Variants in FOCAD observed in about 807,000 individuals in gnomAD.
FOCAD encodes the protein KIAA1797.
A neutral mutation model predicts 225.6 loss-of-function variants in FOCAD; 198 were observed. The observed-to-expected ratio is 0.88, with a 90% CI of 0.78 to 0.99. The LOEUF is 0.99. Ranked by LOEUF, FOCAD falls within the 50% of genes least tolerant of loss-of-function variation. The pLI is 0.00. For synonymous variants in FOCAD, 897 were observed against 755.0 expected, an observed-to-expected ratio of 1.19 and a Z score of -3.08; for missense variants, 2,713 against 2,123.6, an observed-to-expected ratio of 1.28 and a Z score of -5.46.
At chr9:20,762,712 A>T (rs1031437954) in intron 6 of FOCAD, among the ~76,000 whole-genome samples, 1 of 152,146 alleles carries the variant, frequency 6.6e-6, no homozygotes, top group Non-Finnish European at 1.5e-5. Context: ...GTATGTGCAG[A>T]TCTGTTGGAA....
intron 8 of FOCAD, among the ~76,000 whole-genome samples, chr9:20,775,359 A>T (rs1223780591): frequency 6.6e-6 from 1 of 152,200 alleles, no homozygotes; most frequent in East Asian, 1.9e-4. Flanking sequence ...AATGAGTGAA[A>T]CATTTCAGCA....
rs142641628 is a variant in FOCAD, at chr9:20,778,121, T to C, written c.907-560T>C. 1.7e-3 allele frequency among the ~76,000 whole-genome samples: 253 copies of C among 146,464 alleles called. 3 individuals carry two copies. In the East Asian group the frequency reaches 0.042, roughly 24 times the overall value. On this transcript the variant is annotated intron_variant, in intron 8 of 43. Transcript: ENST00000338382. ...AAAAAAAAAAAAAAAAAAGATTGAC[T>C]GTTTAGAAGACTTGCTGATCTGCTG...
intron 28 of FOCAD, among the ~76,000 whole-genome samples, chr9:20,941,502 G>A (rs1013738595): frequency 2.4e-4 from 36 of 152,178 alleles, no homozygotes; most frequent in African/African-American, 8.2e-4. Context: ...CTAGGGAATT[G>A]AAGATTCATC....
Position 20,789,366 on chromosome 9 carries a change from G to A in FOCAD, c.1213G>A (p.Val405Met). Reference protein sequence around the residue: ...DDHQKLSYKLVCPVTSMYGTI... With the variant: ...DDHQKLSYKLMCPVTSMYGTI... The stretch of plus-strand genomic sequence containing the variant: ...TATTTTTCAGCTCTCCTACAAGCTT[G>A]TGTGCCCTGTAACCAGTATGTATGG... The change falls in exon 11 of 44, where the codon GTG (valine) becomes ATG (methionine). Residue 405 changes from valine to methionine, a missense_variant. Physicochemically the swap from Val to Met is conservative, Grantham distance 21. Coordinates refer to ENST00000338382, the MANE Select transcript of FOCAD (RefSeq NM_001375567.1). 2 of 1,612,898 alleles carry A rather than the reference G, an allele frequency of 1.2e-6. No individual in the cohort carries two copies. The highest frequency in any genetic ancestry group is 1.7e-6 in the Non-Finnish European group (2 of 1,179,034).
intron 27 of FOCAD, among the ~76,000 whole-genome samples, chr9:20,931,343 C>G (rs1025056694): frequency 1.3e-5 from 2 of 152,152 alleles, no homozygotes; most frequent in Admixed American, 1.3e-4. Context: ...TGTTTGATAG[C>G]ATCCTCCTTC....
chr9:20,793,328 A>T (rs1000443817), intron 11 of FOCAD, among the ~76,000 whole-genome samples: 2 of 152,194 alleles, frequency 1.3e-5, no homozygotes, highest in Non-Finnish European at 1.5e-5. Context: ...TGTAAACCTT[A>T]CATATATATC....
At chr9:20,846,194 G>A (rs1279632012) in intron 15 of FOCAD, among the ~76,000 whole-genome samples, 2 of 152,162 alleles carry the variant, frequency 1.3e-5, no homozygotes, top group East Asian at 3.9e-4. Context: ...CTACACTTAG[G>A]TTTCTGAGGG....
At chr9:20,990,740 G>A (rs914775310) in intron 42 of FOCAD, among the ~76,000 whole-genome samples, 1 of 152,206 alleles carries the variant, frequency 6.6e-6, no homozygotes, top group Admixed American at 6.5e-5. Flanking sequence ...ATTGCAAATC[G>A]TGTGATAAGT....
At chr9:20,881,780 C>T in intron 19 of FOCAD, 91 bp from the exon 20 acceptor site, 1 of 1,284,916 alleles carries the variant, frequency 7.8e-7, no homozygotes, top group Non-Finnish European at 1.1e-6. Context: ...AGAAATGTAG[C>T]TTAGTTGTTT....
At chr9:20,816,661 G>C (rs1204345747) in intron 11 of FOCAD, among the ~76,000 whole-genome samples, 1 of 151,878 alleles carries the variant, frequency 6.6e-6, no homozygotes, top group Non-Finnish European at 1.5e-5. Flanking sequence ...AGATGTCTTC[G>C]AAGGTTAGAA....
At position 20,715,302 on chromosome 9, in the gene FOCAD, T is replaced by C. The variant is rs776285287; in HGVS notation, c.-32-20T>C. ...AGACCAGTTGGAAGACTAACAAATA[T>C]TCTTTTGTTTTGGTTACAGAAGCTG... On this transcript the variant is annotated intron_variant, in intron 1 of 43. Coordinates refer to ENST00000338382, the MANE Select transcript of FOCAD (RefSeq NM_001375567.1). The C allele has an allele frequency of 1.6e-5, 19 of 1,211,744 alleles. No individual in the cohort carries two copies. The highest frequency in any genetic ancestry group is 2.1e-5 in the Non-Finnish European group (19 of 889,706). 75.1% of individuals were successfully genotyped at this position (1,211,744 alleles called of 1,614,324 possible). A position where few individuals can be genotyped will look rare whatever the true frequency, so the allele number is the denominator to read the frequency against.
chr9:20,938,718 TTATAA>T (rs1007986745), intron 28 of FOCAD, among the ~76,000 whole-genome samples: 13 of 151,894 alleles, frequency 8.6e-5, no homozygotes, highest in South Asian at 6.2e-4. Flanking sequence ...ACCCTAAAAC[TTATAA>T]TAAAGAAAAG....
chr9:20,948,910 T>A lies in FOCAD; in HGVS notation c.3858T>A (p.Ser1286=). The change falls in exon 32 of 44, where the codon TCT becomes TCA. Residue 1286 remains serine, a synonymous_variant. Transcript: ENST00000338382. ...ATGGCATGGTGGCCTTGGTAGGCTC[T>A]GAAGGGGATGTAATGCAGGTAAAGA... ...ALHGMVALVG[S]EGDVMQLKSE... The A allele has an allele frequency of 1.2e-6, 2 of 1,613,512 alleles. No individual in the cohort carries two copies. Among genetic ancestry groups the A allele is most frequent in the Non-Finnish European group, 1.7e-6 (2 of 1,179,516 alleles).
intron 11 of FOCAD, among the ~76,000 whole-genome samples, chr9:20,804,062 C>T (rs1822142298): frequency 1.3e-5 from 2 of 152,052 alleles, no homozygotes; most frequent in Non-Finnish European, 2.9e-5. Context: ...GAACCATTTT[C>T]TGTAGTAGAG....
intron 2 of FOCAD, among the ~76,000 whole-genome samples, chr9:20,717,122 T>C (rs539354231): frequency 5.1e-4 from 78 of 152,368 alleles, no homozygotes; most frequent in Non-Finnish European, 9.8e-4. Context: ...GAGTGACTTA[T>C]ATCACAAAAC....
At chr9:20,861,848 A>T (rs1175816680) in intron 15 of FOCAD, among the ~76,000 whole-genome samples, 1 of 152,150 alleles carries the variant, frequency 6.6e-6, no homozygotes, top group Admixed American at 6.5e-5. Context: ...TATCAGTGAA[A>T]AAATCATCAG....
At chr9:20,840,527 A>G (rs961263550) in intron 15 of FOCAD, among the ~76,000 whole-genome samples, 2 of 150,378 alleles carry the variant, frequency 1.3e-5, no homozygotes, top group Non-Finnish European at 3.0e-5. Context: ...TAAGTATTTT[A>G]AGTGGAATTA....
intron 21 of FOCAD, among the ~76,000 whole-genome samples, chr9:20,885,826 A>G (rs1045312642): frequency 1.3e-5 from 2 of 152,176 alleles, no homozygotes; most frequent in African/African-American, 4.8e-5. Flanking sequence ...ATTTTATCAC[A>G]CTTACTCATA....
intron 1 of FOCAD, among the ~76,000 whole-genome samples, chr9:20,710,058 G>A (rs1186729676): frequency 1.3e-5 from 2 of 152,070 alleles, no homozygotes; most frequent in Non-Finnish European, 2.9e-5. Context: ...GGATCAGAGT[G>A]CATAGCCCCA....
Sources: gnomAD v4.1 joint callset for allele counts (sites outside exome capture counted in the v4.1 genomes callset) on GRCh38, gnomAD v4.1.1 for gene constraint, MANE v1.5 for transcripts, NCBI Gene and HGNC (gene_info 2026-07-23, HGNC 2026-07-21) for gene names.